The following DDC variants were observed in gnomAD, a reference collection of about 807,000 sequenced individuals.
DDC encodes dopa decarboxylase, also known as aromatic-L-amino-acid decarboxylase.
DDC carries 43 observed loss-of-function variants against 60.0 expected under a neutral mutation model. That is an observed-to-expected ratio of 0.72 (90% CI 0.56 to 0.92). The LOEUF (loss-of-function observed/expected upper bound fraction) is 0.92, where lower values mean the gene tolerates loss of function less well. Ranked by LOEUF, DDC falls within the 40% of genes least tolerant of loss-of-function variation. The pLI is 0.00. For missense variants in DDC, 573 were observed against 620.2 expected, an observed-to-expected ratio of 0.92 and a Z score of 0.81; for synonymous variants, 232 against 234.6, an observed-to-expected ratio of 0.99 and a Z score of 0.10.
chr7:50,465,713 T>C (rs1256323288), intron 13 of DDC, among the ~76,000 whole-genome samples: 1 of 152,164 alleles, frequency 6.6e-6, no homozygotes, highest in Non-Finnish European at 1.5e-5. Flanking sequence ...TATATCTCAA[T>C]AGAACTGTTA....
At chr7:50,463,008 T>G (rs528875567) in intron 14 of DDC, among the ~76,000 whole-genome samples, 10 of 152,328 alleles carry the variant, frequency 6.6e-5, no homozygotes, top group Non-Finnish European at 5.9e-5. Context: ...GACCTCATGA[T>G]CTGCCCACCC....
chr7:50,500,142 C>A (rs1056752647), intron 7 of DDC, among the ~76,000 whole-genome samples: 1 of 152,052 alleles, frequency 6.6e-6, no homozygotes, highest in East Asian at 1.9e-4. Context: ...GCGAGCCACC[C>A]TCACCTCACA....
At chr7:50,557,401 G>A (rs2045220641) in intron 1 of DDC, among the ~76,000 whole-genome samples, 1 of 152,236 alleles carries the variant, frequency 6.6e-6, no homozygotes, top group Non-Finnish European at 1.5e-5. Context: ...TTCATAACTT[G>A]AGCAACTTCC....
chr7:50,478,334 T>C (rs536095239), intron 10 of DDC, among the ~76,000 whole-genome samples: 166 of 152,316 alleles, frequency 1.1e-3, no homozygotes, highest in African/African-American at 3.5e-3. Context: ...CATGTGGCTG[T>C]TGACGTTTAA....
In DDC at chr7:50,460,029, G is replaced by A. The variant is rs1163851143; in HGVS notation, c.*19-1186C>T. 1.8e-4 allele frequency among the ~76,000 whole-genome samples: 26 copies of A among 144,130 alleles called. 1 individual carries two copies. Among genetic ancestry groups the A allele is most frequent in the African/African-American group, 6.7e-4 (25 of 37,390 alleles). The allele number at this position is 144,130 out of a possible 152,430, so 94.6% of individuals were successfully genotyped here. ...TGGGAAGTGAGGATCCCCTCTGCCC[G>A]GCCAGCTGCCCCGTCCGGGAAGGAG... On this transcript the variant is annotated intron_variant, in intron 14 of 14. Coordinates refer to ENST00000444124, the MANE Select transcript of DDC (RefSeq NM_001082971.2).
intron 2 of DDC, chr7:50,543,118 A>G (rs147622429): frequency 3.4e-4 from 53 of 154,238 alleles, no homozygotes; most frequent in African/African-American, 1.2e-3. Flanking sequence ...ACATTGTTGC[A>G]TGGAAGGGCA....
chr7:50,489,403 A>G (rs2042952432), intron 9 of DDC, among the ~76,000 whole-genome samples: 1 of 152,234 alleles, frequency 6.6e-6, no homozygotes, highest in Non-Finnish European at 1.5e-5. Context: ...CTAACTAATT[A>G]AAGTCCTACG....
chr7:50,501,007 T>C (rs1189230572), intron 7 of DDC, among the ~76,000 whole-genome samples: 3 of 152,172 alleles, frequency 2.0e-5, no homozygotes, highest in African/African-American at 7.2e-5. Context: ...CAGCACACAC[T>C]GCATAGCACG....
At chr7:50,549,627 A>G (rs2044917988) in intron 1 of DDC, among the ~76,000 whole-genome samples, 1 of 151,246 alleles carries the variant, frequency 6.6e-6, no homozygotes, top group African/African-American at 2.4e-5. Flanking sequence ...ACTGCACTCC[A>G]GCCTGGGCGA....
intron 13 of DDC, among the ~76,000 whole-genome samples, chr7:50,465,824 A>G (rs1212122665): frequency 6.6e-6 from 1 of 152,258 alleles, no homozygotes; most frequent in Non-Finnish European, 1.5e-5. Flanking sequence ...CGATGCCAAC[A>G]CTAAGGTTGG....
At chr7:50,518,863 T>C (rs1359189579) in intron 6 of DDC, among the ~76,000 whole-genome samples, 4 of 152,070 alleles carry the variant, frequency 2.6e-5, no homozygotes, top group East Asian at 1.9e-4. Context: ...CAAAAGCAAA[T>C]GCAATAAAAA....
At chr7:50,526,146 A>C (rs938747158) in intron 6 of DDC, among the ~76,000 whole-genome samples, 2 of 152,218 alleles carry the variant, frequency 1.3e-5, no homozygotes, top group South Asian at 4.1e-4. Context: ...TATCACAGTA[A>C]AACAAAGACA....
intron 11 of DDC, among the ~76,000 whole-genome samples, chr7:50,476,148 G>A (rs139017926): frequency 1.3e-5 from 2 of 152,124 alleles, no homozygotes; most frequent in Admixed American, 6.5e-5. Context: ...GAACAACCTG[G>A]CATTTTCAAA....
At position 50,524,488 on chromosome 7, in the gene DDC, T is replaced by C. The variant is rs1362687215; in HGVS notation, c.714+3649A>G. ...CTTATTCATTTAAAAAATCAATCCA[T>C]CATCCAATTAGAAAATGGGCAAAAG... On this transcript the variant is annotated intron_variant, in intron 6 of 14. Coordinates refer to ENST00000444124, the MANE Select transcript of DDC (RefSeq NM_001082971.2). 2.0e-5 allele frequency among the ~76,000 whole-genome samples: 3 copies of C among 152,132 alleles called. No homozygotes were observed. The South Asian group carries it at 6.2e-4, about 32-fold the overall frequency.
intron 7 of DDC, among the ~76,000 whole-genome samples, chr7:50,501,796 G>A (rs1050508307): frequency 3.3e-5 from 5 of 152,156 alleles, no homozygotes; most frequent in African/African-American, 1.2e-4. Context: ...AATGTTGGCC[G>A]GACACAGTGG....
chr7:50,461,162 A>G (rs955562989), intron 14 of DDC, among the ~76,000 whole-genome samples: 1 of 152,234 alleles, frequency 6.6e-6, no homozygotes, highest in African/African-American at 2.4e-5. Flanking sequence ...AACAGAGACA[A>G]TTGTGCAATG....
intron 2 of DDC, chr7:50,543,544 C>T (rs981484424): frequency 2.7e-6 from 1 of 369,842 alleles, no homozygotes; most frequent in African/African-American, 2.1e-5. Context: ...TGAAAGCAGC[C>T]ACCAGTGTCT....
At chr7:50,550,176 T>C (rs1451388397) in intron 1 of DDC, among the ~76,000 whole-genome samples, 1 of 152,192 alleles carries the variant, frequency 6.6e-6, no homozygotes, top group East Asian at 1.9e-4. Context: ...ACAGCTACCA[T>C]AACTTTCAGG....
At chr7:50,478,031 G>A (rs969392427) in intron 10 of DDC, among the ~76,000 whole-genome samples, 28 of 127,720 alleles carry the variant, frequency 2.2e-4, no homozygotes, top group African/African-American at 5.5e-4. Flanking sequence ...GTGAAACCCC[G>A]TCTCTACCAA....
Sources: gnomAD v4.1 joint callset for allele counts (sites outside exome capture counted in the v4.1 genomes callset) on GRCh38, gnomAD v4.1.1 for gene constraint, MANE v1.5 for transcripts, NCBI Gene and HGNC (gene_info 2026-07-23, HGNC 2026-07-21) for gene names.